The following TNFRSF9 variants were observed in gnomAD, a reference collection of about 807,000 sequenced individuals.
TNFRSF9 encodes the protein tumor necrosis factor receptor superfamily member 9.
Under a neutral mutation model 28.8 loss-of-function variants are expected in TNFRSF9, and 16 were observed. That is an observed-to-expected ratio of 0.55 (90% CI 0.38 to 0.84). The LOEUF is 0.84. Among genes scored for constraint, TNFRSF9 ranks in the 40% least tolerant of loss-of-function variants. The probability of loss-of-function intolerance (pLI) is 0.00; values close to 1 mark genes in which losing one functional copy is unlikely to be tolerated. For missense variants in TNFRSF9, 303 were observed against 315.0 expected, an observed-to-expected ratio of 0.96 and a Z score of 0.29; for synonymous variants, 131 against 117.0, an observed-to-expected ratio of 1.12 and a Z score of -0.77.
At chr1:7,925,730 C>T (rs910918689) in intron 7 of TNFRSF9, among the ~76,000 whole-genome samples, 2 of 152,142 alleles carry the variant, frequency 1.3e-5, no homozygotes, top group Non-Finnish European at 2.9e-5. Context: ...TCATAAGGAG[C>T]GTGCAACCTC....
At position 7,938,184 on chromosome 1, in the gene TNFRSF9, C is replaced by G; in HGVS notation, c.346+9G>C. On this transcript the variant is annotated intron_variant, in intron 4 of 7. Coordinates refer to ENST00000377507, the MANE Select transcript of TNFRSF9 (RefSeq NM_001561.6). ...AAAACTACACTAGATCAAAGAAACG[C>G]AAACGTACCTTTTTTTGTCAGTTCT... The G allele has an allele frequency of 6.4e-7, 1 of 1,571,344 alleles. No individual in the cohort carries two copies. The highest frequency in any genetic ancestry group is 8.6e-7 in the Non-Finnish European group (1 of 1,158,466).
In TNFRSF9 at chr1:7,924,294, C is replaced by CATAT. The variant is rs58569630; in HGVS notation, c.680-3375_680-3372dup. On this transcript the variant is annotated intron_variant, in intron 7 of 7. Transcript: ENST00000377507. ...TTTATAGTTATTTCATAGTATATTC[C>CATAT]ATATATATATATATATATATATATA... 5.3e-3 allele frequency among the ~76,000 whole-genome samples: 688 copies of CATAT among 129,754 alleles called. 1 individual carries two copies. Among genetic ancestry groups the CATAT allele is most frequent in the African/African-American group, 0.012 (424 of 34,898 alleles). 85.1% of individuals were successfully genotyped at this position (129,754 alleles called of 152,430 possible).
chr1:7,929,322 T>C (rs960404248), intron 7 of TNFRSF9, among the ~76,000 whole-genome samples: 3 of 151,904 alleles, frequency 2.0e-5, no homozygotes, highest in Non-Finnish European at 2.9e-5. Context: ...CGTGCCACCA[T>C]GCAGGGCTAA....
intron 7 of TNFRSF9, among the ~76,000 whole-genome samples, chr1:7,931,693 T>C (rs1250201961): frequency 2.0e-5 from 3 of 152,278 alleles, no homozygotes; most frequent in Non-Finnish European, 4.4e-5. Flanking sequence ...GAATGAGTTA[T>C]GTTCCACTTC....
At chr1:7,927,100 C>T (rs1302389312) in intron 7 of TNFRSF9, among the ~76,000 whole-genome samples, 1 of 151,952 alleles carries the variant, frequency 6.6e-6, no homozygotes, top group Non-Finnish European at 1.5e-5. Flanking sequence ...AGAGCCAAAG[C>T]CCGTGAGACG....
At chr1:7,931,059 G>A (rs1171919461) in intron 7 of TNFRSF9, among the ~76,000 whole-genome samples, 5 of 152,168 alleles carry the variant, frequency 3.3e-5, no homozygotes, top group Non-Finnish European at 7.3e-5. Context: ...GGAAGTGTAA[G>A]TTAAAACCAC....
chr1:7,920,847 T>A lies in TNFRSF9; in HGVS notation c.756A>T (p.Gly252=), dbSNP rs1310873200. 6.2e-7 allele frequency: 1 copy of A among 1,613,542 alleles called. No individual in the cohort carries two copies. The highest frequency in any genetic ancestry group is 8.5e-7 in the Non-Finnish European group (1 of 1,179,684). The part of the protein sequence containing the change: ...SCRFPEEEEG[G]CEL ...ATTGACTTCCATTTCACAGTTCACA[T>A]CCTCCTTCTTCTTCTTCTGGAAATC... The change falls in exon 8 of 8, where the codon GGA becomes GGT. Residue 252 remains glycine (G), a synonymous_variant. Transcript: ENST00000377507.
intron 2 of TNFRSF9, among the ~76,000 whole-genome samples, 177 bp from the exon 3 acceptor site, chr1:7,939,005 G>A (rs1639862088): frequency 6.6e-6 from 1 of 152,190 alleles, no homozygotes; most frequent in Non-Finnish European, 1.5e-5. Context: ...ATTATTCTTT[G>A]TGTAATCACA....
chr1:7,921,800 T>C (rs1285016452), intron 7 of TNFRSF9: 1 of 152,222 alleles, frequency 6.6e-6, no homozygotes, highest in Non-Finnish European at 1.5e-5. Context: ...TATTGGTCTT[T>C]AAGAACTATT....
intron 7 of TNFRSF9, among the ~76,000 whole-genome samples, chr1:7,930,321 G>A (rs1051832384): frequency 2.0e-5 from 3 of 151,980 alleles, no homozygotes; most frequent in East Asian, 1.9e-4. Context: ...TGGCGAGCGC[G>A]GAATCCTAAC....
intron 3 of TNFRSF9, among the ~76,000 whole-genome samples, 162 bp from the exon 4 acceptor site, chr1:7,938,492 G>C (rs546228640): frequency 5.3e-5 from 8 of 152,248 alleles, no homozygotes; most frequent in African/African-American, 1.7e-4. Flanking sequence ...TTTACATTTA[G>C]GTAAGTAAAA....
At position 7,937,759 on chromosome 1, in the gene TNFRSF9, T is replaced by C. The variant is rs951011713; in HGVS notation, c.347-3A>G. 7.5e-6 allele frequency: 12 copies of C among 1,609,046 alleles called. No homozygotes were observed. The highest frequency in any genetic ancestry group is 1.0e-5 in the Non-Finnish European group (12 of 1,176,986). On this transcript the variant is annotated splice_region_variant and splice_polypyrimidine_tract_variant and intron_variant, in intron 4 of 7. Coordinates refer to ENST00000377507, the MANE Select transcript of TNFRSF9 (RefSeq NM_001561.6). ...CCCAAAGCAACAGTCTTTACAACCT[T>C]GTATTAAAAATGAAAGCAATAATAA...
intron 7 of TNFRSF9, 112 bp from the exon 8 acceptor site, chr1:7,921,035 CTTTAAT>C (rs1639550545): frequency 1.2e-6 from 1 of 809,578 alleles, no homozygotes; most frequent in Non-Finnish European, 2.0e-6. Flanking sequence ...ACATTCTCCC[CTTTAAT>C]TTTAACAAAC....
In TNFRSF9 at chr1:7,939,977, G is replaced by T; in HGVS notation, c.18C>A (p.Tyr6Ter). 2 of 1,595,530 alleles carry T rather than the reference G, an allele frequency of 1.3e-6. No individual in the cohort carries two copies. Among genetic ancestry groups the T allele is most frequent in the Admixed American group, 1.7e-5 (1 of 59,808 alleles). MGNSC[Y>*]NIVATLLLVL... ...CCAGCAACAGAGTGGCTACTATGTT[G>T]TAACAGCTGTTTCCCATGATGAAAT... Residue 6 changes from tyrosine (Y) to a stop codon, truncating the protein, a stop_gained, in exon 2 of 8, where the codon TAC becomes TAA. Transcript: ENST00000377507. LOFTEE classifies it high-confidence loss of function.
At chr1:7,921,592 T>C (rs226480) in intron 7 of TNFRSF9, among the ~76,000 whole-genome samples, 33,671 of 150,704 alleles carry the variant, frequency 0.22, 8,676 homozygotes, top group African/African-American at 0.59. Context: ...CGCCTGAACC[T>C]GGGAGGTGGA....
Position 7,938,348 on chromosome 1 carries a change from C to A in TNFRSF9, c.209-18G>T, listed in dbSNP as rs17235465. ...GAAAACACCTACAAAGTCCCCCCAG[C>A]CCCCAACATTTTATTACACTTGACC... On this transcript the variant is annotated intron_variant, in intron 3 of 7. Coordinates refer to ENST00000377507, the MANE Select transcript of TNFRSF9 (RefSeq NM_001561.6). 79 of 1,576,554 alleles carry A rather than the reference C, an allele frequency of 5.0e-5. No homozygotes were observed. Among genetic ancestry groups the A allele is most frequent in the Non-Finnish European group, 6.6e-5 (77 of 1,162,426 alleles).
intron 6 of TNFRSF9, among the ~76,000 whole-genome samples, chr1:7,934,082 A>G (rs571899663): frequency 2.6e-5 from 4 of 152,136 alleles, no homozygotes; most frequent in African/African-American, 7.2e-5. Flanking sequence ...CATAGAAAAT[A>G]TGGGACCTGG....
rs561452908 is a variant in TNFRSF9 at position 7,920,681 on chromosome 1, G to T, written c.*154C>A. ...AAAAAAAAGTGGTGCATTTTTAAAG[G>T]CCAACTCATTGGCATTTAGAAAAGA... On this transcript the variant is annotated 3_prime_UTR_variant, in exon 8 of 8. Transcript: ENST00000377507. 5 of 635,750 alleles carry T rather than the reference G, an allele frequency of 7.9e-6. No homozygotes were observed. The highest frequency in any genetic ancestry group is 2.6e-4 in the Middle Eastern group (1 of 3,774). The allele number at this position is 635,750 out of a possible 1,614,324, so 39.4% of individuals were successfully genotyped here. A position where few individuals can be genotyped will look rare whatever the true frequency, so the allele number is the denominator to read the frequency against.
rs1639758679 is a variant in TNFRSF9, at chr1:7,933,138, G to A, written c.679+24C>T. On this transcript the variant is annotated intron_variant, in intron 7 of 7. Transcript: ENST00000377507. ...TAAAAAGCCTTGCCTTGCCAGAGCT[G>A]TAATATGATTATGTTAATCTTACGT... 2.5e-6 allele frequency: 4 copies of A among 1,583,228 alleles called. No individual in the cohort carries two copies. The African/African-American group carries it at 5.4e-5, about 22-fold the overall frequency.
Sources: allele counts gnomAD v4.1 joint callset (sites outside exome capture counted in the v4.1 genomes callset), GRCh38; gene constraint gnomAD v4.1.1; transcripts MANE v1.5; gene names NCBI Gene and HGNC (gene_info 2026-07-23, HGNC 2026-07-21).